The following AK7 variants were observed in gnomAD, a reference collection of about 807,000 sequenced individuals.
The protein encoded by AK7 is adenylate kinase 7.
In AK7, 78 loss-of-function variants were observed where a neutral mutation model predicts 96.6. That is an observed-to-expected ratio of 0.81 (90% CI 0.67 to 0.97). The LOEUF (loss-of-function observed/expected upper bound fraction) is 0.97, where lower values mean the gene tolerates loss of function less well. AK7 is among the 50% of genes least tolerant of loss of function. The pLI is 0.00. For missense variants in AK7, 855 were observed against 887.9 expected (o/e 0.96, Z 0.47); for synonymous variants, 302 against 317.2 (o/e 0.95, Z 0.51).
rs772466547 is a variant in AK7 at position 96,398,228 on chromosome 14, A to AGCCT, written c.262_263insTGCC (p.Pro88LeufsTer5). Reference sequence around the variant, plus strand: ...TGTGGGCACGCTGTCCAAGCCTGACAGCCCGCGGCCTGACTTTGCGGTGGA... The same window carrying AGCCT: ...TGTGGGCACGCTGTCCAAGCCTGACAGCCTGCCCGCGGCCTGACTTTGCGGTGGA... On this transcript the variant is annotated frameshift_variant, in exon 2 of 18. Coordinates refer to ENST00000267584, the MANE Select transcript of AK7 (RefSeq NM_152327.5). LOFTEE classifies it high-confidence loss of function. The AGCCT allele has an allele frequency of 8.7e-6, 14 of 1,613,544 alleles. No individual in the cohort carries two copies. The highest frequency in any genetic ancestry group is 9.3e-6 in the Non-Finnish European group (11 of 1,180,018).
At chr14:96,440,796 T>C (rs971184903) in intron 6 of AK7, among the ~76,000 whole-genome samples, 2 of 152,224 alleles carry the variant, frequency 1.3e-5, no homozygotes, top group Non-Finnish European at 2.9e-5. Flanking sequence ...TCTCCAAAGA[T>C]GACTTTGAGT....
intron 14 of AK7, among the ~76,000 whole-genome samples, chr14:96,473,707 C>T (rs906237358): frequency 6.6e-6 from 1 of 152,060 alleles, no homozygotes; most frequent in Admixed American, 6.6e-5. Context: ...CCTGTGGGAA[C>T]GTTGTCTTCC....
chr14:96,429,834 G>A (rs1892243875), intron 5 of AK7, among the ~76,000 whole-genome samples: 2 of 152,298 alleles, frequency 1.3e-5, no homozygotes, highest in East Asian at 3.9e-4. Context: ...CTTTGCTGAA[G>A]TTGCTTATCA....
intron 2 of AK7, among the ~76,000 whole-genome samples, chr14:96,402,505 A>G (rs1890473548): frequency 1.3e-5 from 2 of 152,182 alleles, no homozygotes; most frequent in African/African-American, 4.8e-5. Flanking sequence ...CCACATCTAG[A>G]ATACACATCT....
chr14:96,395,718 GAAAAAAA>G lies in AK7; in HGVS notation c.106-2337_106-2331del, dbSNP rs71103518. Among the ~76,000 whole-genome samples the G allele has an allele frequency of 4.1e-4, 17 of 41,040 alleles. 1 individual carries two copies. Among genetic ancestry groups the G allele is most frequent in the South Asian group, 1.6e-3 (2 of 1,252 alleles). The allele number at this position is 41,040 out of a possible 152,430, so 26.9% of individuals were successfully genotyped here. ...AGGGCAGAGTAAAACCTTGTCTCTA[GAAAAAAA>G]AAAAAAAAAAAAAAAAAAAGAATGA... is the stretch of plus-strand genomic sequence containing the variant. On this transcript the variant is annotated intron_variant, in intron 1 of 17. Coordinates refer to ENST00000267584, the MANE Select transcript of AK7 (RefSeq NM_152327.5).
intron 4 of AK7, among the ~76,000 whole-genome samples, chr14:96,415,774 A>AAATTAATTTAATACATTAATTAAATT (rs1891305007): frequency 2.1e-5 from 3 of 145,288 alleles, no homozygotes; most frequent in Admixed American, 6.9e-5. Flanking sequence ...TTAATTAATT[A>AAATTAATTTAATACATTAATTAAATT]AATTAATTTA....
intron 8 of AK7, among the ~76,000 whole-genome samples, chr14:96,448,138 A>G (rs895482973): frequency 1.1e-4 from 16 of 151,752 alleles, no homozygotes; most frequent in South Asian, 2.1e-4. Context: ...AAAAAAAAAA[A>G]AAAAGAAAAG....
intron 16 of AK7, among the ~76,000 whole-genome samples, chr14:96,485,830 C>G (rs950871996): frequency 1.7e-4 from 24 of 142,366 alleles, no homozygotes; most frequent in South Asian, 6.6e-4. Context: ...GAGTCTTGCT[C>G]TGTCGCCCAG....
At chr14:96,488,069 C>T (rs1895872145) in intron 17 of AK7, 1 of 417,978 alleles carries the variant, frequency 2.4e-6, no homozygotes, top group South Asian at 2.3e-5. Context: ...CCTGCCACCA[C>T]ACTCAGCTAA....
intron 5 of AK7, among the ~76,000 whole-genome samples, chr14:96,437,554 C>G (rs555971060): frequency 1.3e-5 from 2 of 152,106 alleles, no homozygotes; most frequent in Middle Eastern, 6.8e-3. Context: ...CCCTCAGTGC[C>G]GAGCATAGAG....
intron 5 of AK7, 82 bp from the exon 6 acceptor site, chr14:96,437,745 AAAGTGCTC>A (rs1397153124): frequency 1.1e-6 from 1 of 923,868 alleles, no homozygotes; most frequent in East Asian, 2.6e-5. Flanking sequence ...GGAAGTTCTG[AAAGTGCTC>A]ATTTTAACTA....
At chr14:96,446,409 A>G in intron 7 of AK7, 108 bp from the exon 8 acceptor site, 1 of 865,884 alleles carries the variant, frequency 1.2e-6, no homozygotes, top group Non-Finnish European at 1.9e-6. Flanking sequence ...AACTTATCAA[A>G]GCACCAAACC....
chr14:96,392,326 G>A (rs1335605841), intron 1 of AK7, 67 bp downstream of exon 1: 10 of 1,439,704 alleles, frequency 6.9e-6, no homozygotes, highest in Non-Finnish European at 8.7e-6. Flanking sequence ...CCCCCGGTCC[G>A]CAAACCCAGC....
At chr14:96,452,632 A>G (rs1893671748) in intron 10 of AK7, among the ~76,000 whole-genome samples, 1 of 151,682 alleles carries the variant, frequency 6.6e-6, no homozygotes, top group Non-Finnish European at 1.5e-5. Flanking sequence ...GGCTGCATCA[A>G]CTTTTTCTTT....
intron 4 of AK7, among the ~76,000 whole-genome samples, chr14:96,415,748 T>A (rs370033031): frequency 0.021 from 2,761 of 133,938 alleles, 100 homozygotes; most frequent in African/African-American, 0.062. Context: ...TTAATTAAAT[T>A]AATTAATTTA....
chr14:96,446,920 G>A (rs1175835260), intron 8 of AK7, among the ~76,000 whole-genome samples: 1 of 151,894 alleles, frequency 6.6e-6, no homozygotes, highest in Non-Finnish European at 1.5e-5. Flanking sequence ...AGCCTGGGCG[G>A]CTGAACAAGA....
At chr14:96,471,737 C>T (rs969952026) in intron 13 of AK7, 131 bp downstream of exon 13, 1 of 798,344 alleles carries the variant, frequency 1.3e-6, no homozygotes, top group Middle Eastern at 4.0e-4. Context: ...TTTGGCTCAC[C>T]TTTCTTTACG....
intron 15 of AK7, among the ~76,000 whole-genome samples, chr14:96,480,526 C>CA (rs1895451873): frequency 6.6e-6 from 1 of 152,114 alleles, no homozygotes; most frequent in African/African-American, 2.4e-5. Flanking sequence ...CTCATCTGGA[C>CA]ATGTTTCTGC....
At chr14:96,451,841 G>T (rs927470209) in intron 10 of AK7, among the ~76,000 whole-genome samples, 2 of 152,050 alleles carry the variant, frequency 1.3e-5, no homozygotes, top group East Asian at 3.9e-4. Context: ...AATAATGTAT[G>T]CAAAATTATC....
Sources: gnomAD v4.1 joint callset for allele counts (sites outside exome capture counted in the v4.1 genomes callset) on GRCh38, gnomAD v4.1.1 for gene constraint, MANE v1.5 for transcripts, NCBI Gene and HGNC (gene_info 2026-07-23, HGNC 2026-07-21) for gene names.